CRISP1: variants seen among roughly 807,000 people sequenced by gnomAD.
CRISP1 encodes cysteine-rich secretory protein 1.
Under a neutral mutation model 33.1 loss-of-function variants are expected in CRISP1, and 44 were observed. The ratio of observed to expected loss-of-function variants is 1.33; its 90% CI spans 1.05 to 1.71. The LOEUF (loss-of-function observed/expected upper bound fraction) is 1.71. Ranked by LOEUF, CRISP1 falls within the 40% of genes most tolerant of loss-of-function variation. The pLI is 0.00. For missense variants in CRISP1, 390 were observed against 301.2 expected, an observed-to-expected ratio of 1.29 and a Z score of -2.18; for synonymous variants, 103 against 98.7, an observed-to-expected ratio of 1.04 and a Z score of -0.26.
chr6:49,870,919 G>C (rs1219443780), upstream of CRISP1, among the ~76,000 whole-genome samples: 1 of 151,972 alleles, frequency 6.6e-6, no homozygotes, highest in African/African-American at 2.4e-5. Flanking sequence ...CAATCAATGT[G>C]GTGAAACCCC....
At chr6:49,859,259 C>T (rs948351188) in intron 1 of CRISP1, among the ~76,000 whole-genome samples, 1 of 151,954 alleles carries the variant, frequency 6.6e-6, no homozygotes, top group Non-Finnish European at 1.5e-5. Context: ...GAGCCTATTC[C>T]CAACCAGGCT....
chr6:49,857,575 A>T (rs1485510280), intron 1 of CRISP1, among the ~76,000 whole-genome samples, 173 bp from the exon 2 acceptor site: 1 of 152,158 alleles, frequency 6.6e-6, no homozygotes, highest in Admixed American at 6.5e-5. Context: ...GAAAGGCAGG[A>T]CTGTTGTTTG....
chr6:49,874,189 A>G (rs1771983555), intron 1 of CRISP1, among the ~76,000 whole-genome samples: 1 of 152,130 alleles, frequency 6.6e-6, no homozygotes, highest in African/African-American at 2.4e-5. Context: ...AGTTATTACT[A>G]TCAATGATAG....
rs954322623 is a variant in CRISP1, at chr6:49,862,450, G to GT, written c.-3+3978dup. 2.8e-4 allele frequency among the ~76,000 whole-genome samples: 42 copies of GT among 151,602 alleles called. 1 individual carries two copies. Among genetic ancestry groups the GT allele is most frequent in the South Asian group, 4.2e-4 (2 of 4,788 alleles). The stretch of plus-strand genomic sequence containing the variant: ...ACACAATCTGCATATTTTACATATA[G>GT]TTTTTTTTGTCAAAAGTGTGTGAAA... On this transcript the variant is annotated intron_variant, in intron 1 of 7. Transcript: ENST00000335847.
At chr6:49,872,135 T>A (rs1582289798) in intron 1 of CRISP1, among the ~76,000 whole-genome samples, 1 of 152,324 alleles carries the variant, frequency 6.6e-6, no homozygotes, top group African/African-American at 2.4e-5. Flanking sequence ...TTGATTTGGA[T>A]TTCTCTGATG....
intron 2 of CRISP1, among the ~76,000 whole-genome samples, chr6:49,856,156 C>T (rs1025651790): frequency 6.6e-6 from 1 of 152,100 alleles, no homozygotes; most frequent in Non-Finnish European, 1.5e-5. Context: ...GCTCTTTGCT[C>T]TGGACTTTTA....
chr6:49,837,566 A>G (rs1375299802), intron 7 of CRISP1, among the ~76,000 whole-genome samples: 1 of 152,162 alleles, frequency 6.6e-6, no homozygotes, highest in African/African-American at 2.4e-5. Context: ...AAGTAAATAA[A>G]AGAGTACAAG....
intron 2 of CRISP1, among the ~76,000 whole-genome samples, chr6:49,854,091 C>T (rs2127474700): frequency 6.6e-6 from 1 of 152,266 alleles, no homozygotes; most frequent in East Asian, 1.9e-4. Flanking sequence ...TCCTTCTTCC[C>T]TCAGTAAAGA....
chr6:49,871,189 A>G (rs1242630757), upstream of CRISP1, among the ~76,000 whole-genome samples: 1 of 152,038 alleles, frequency 6.6e-6, no homozygotes, highest in African/African-American at 2.4e-5. Flanking sequence ...TCCTTCTAAC[A>G]TGCACTCATT....
chr6:49,837,447 T>G (rs1007242208), intron 7 of CRISP1, among the ~76,000 whole-genome samples: 4 of 152,092 alleles, frequency 2.6e-5, no homozygotes, highest in African/African-American at 9.7e-5. Flanking sequence ...GTTGATTTTT[T>G]TTTTTTTTTC....
chr6:49,863,804 C>G (rs556037390), intron 1 of CRISP1, among the ~76,000 whole-genome samples: 16 of 152,306 alleles, frequency 1.1e-4, no homozygotes, highest in Admixed American at 3.3e-4. Context: ...CTTGCCTTAA[C>G]CAAAGAATTA....
At chr6:49,845,218 A>T (rs1771122471) in intron 5 of CRISP1, among the ~76,000 whole-genome samples, 1 of 152,162 alleles carries the variant, frequency 6.6e-6, no homozygotes, top group Admixed American at 6.6e-5. Flanking sequence ...TTGTGTCCTT[A>T]CATGAACAGA....
intron 4 of CRISP1, 46 bp downstream of exon 4, chr6:49,848,163 T>TTG: frequency 9.7e-7 from 1 of 1,029,560 alleles, no homozygotes; most frequent in Non-Finnish European, 1.4e-6. Flanking sequence ...TTTTACTATT[T>TTG]TTTTTTTTTT....
rs112246547 is a variant in CRISP1 at position 49,858,314 on chromosome 6, C to A, written c.-2-912G>T. Reference sequence around the variant, plus strand: ...ATAGATTATTGAATTTGGTTGGCACCTTCTTTTCACCATCTGCCAAGTTTA... The same window carrying A: ...ATAGATTATTGAATTTGGTTGGCACATTCTTTTCACCATCTGCCAAGTTTA... On this transcript the variant is annotated intron_variant, in intron 1 of 7. Coordinates refer to ENST00000335847, the MANE Select transcript of CRISP1 (RefSeq NM_001131.3). Among the ~76,000 whole-genome samples, 1,009 of 152,148 alleles carry A rather than the reference C, an allele frequency of 6.6e-3. 6 individuals carry two copies. The highest frequency in any genetic ancestry group is 0.022 in the African/African-American group (922 of 41,492).
intron 5 of CRISP1, among the ~76,000 whole-genome samples, chr6:49,842,643 G>T (rs767254104): frequency 6.6e-6 from 1 of 152,080 alleles, no homozygotes; most frequent in Non-Finnish European, 1.5e-5. Context: ...TAATGTTCTT[G>T]CTGTTCAGTT....
Position 49,857,403 on chromosome 6 carries a change from C to CT in CRISP1, c.-2-2dup, listed in dbSNP as rs779752626. 5.0e-6 allele frequency: 8 copies of CT among 1,611,792 alleles called. No homozygotes were observed. Among genetic ancestry groups the CT allele is most frequent in the Non-Finnish European group, 6.8e-6 (8 of 1,178,484 alleles). ...AACAAGAGGTGTTTAATTTCCATCC[C>CT]TGAAAGAAAAATAACACAATTTTAG... On this transcript the variant is annotated splice_acceptor_variant, in intron 1 of 7. Transcript: ENST00000335847. LOFTEE classifies it low-confidence loss of function (5UTR_SPLICE).
chr6:49,842,431 G>C (rs558755584), intron 5 of CRISP1, among the ~76,000 whole-genome samples: 4 of 152,110 alleles, frequency 2.6e-5, no homozygotes, highest in Non-Finnish European at 5.9e-5. Flanking sequence ...TCATAGCAAA[G>C]AAAAATTGAA....
At position 49,834,470 on chromosome 6, in the gene CRISP1, A is replaced by T. The variant is rs1283787088; in HGVS notation, c.*846T>A. The T allele has an allele frequency of 1.3e-5, 2 of 151,900 alleles. No individual in the cohort carries two copies. The highest frequency in any genetic ancestry group is 1.5e-5 in the Non-Finnish European group (1 of 67,956). The allele number at this position is 151,900 out of a possible 1,614,324, so 9.4% of individuals were successfully genotyped here. A position where few individuals can be genotyped will look rare whatever the true frequency, so the allele number is the denominator to read the frequency against. ...CTTCCATTGTGTTGAAATAATCATA[A>T]CCTTTGCAACCCTGTTTACTCAGAA... On this transcript the variant is annotated 3_prime_UTR_variant, in exon 8 of 8. Transcript: ENST00000335847.
upstream of CRISP1, among the ~76,000 whole-genome samples, chr6:49,867,279 A>G (rs550388663): frequency 6.6e-6 from 1 of 152,222 alleles, no homozygotes; most frequent in South Asian, 2.1e-4. Flanking sequence ...AACTAGGTGT[A>G]ATCAGATGTT....
Sources: gnomAD v4.1 joint callset for allele counts (sites outside exome capture counted in the v4.1 genomes callset) on GRCh38, gnomAD v4.1.1 for gene constraint, MANE v1.5 for transcripts, NCBI Gene and HGNC (gene_info 2026-07-23, HGNC 2026-07-21) for gene names.